TTC12: variants seen among roughly 807,000 people sequenced by gnomAD.
TTC12 encodes tetratricopeptide repeat domain 12.
Under a neutral mutation model 90.1 loss-of-function variants are expected in TTC12, and 70 were observed. The ratio of observed to expected loss-of-function variants is 0.78; its 90% confidence interval spans 0.64 to 0.95. The LOEUF (loss-of-function observed/expected upper bound fraction) is 0.95. TTC12 is among the 40% of genes least tolerant of loss of function. TTC12 has a pLI of 0.00. For synonymous variants in TTC12, 296 were observed against 311.5 expected, an observed-to-expected ratio of 0.95 and a Z score of 0.53; for missense variants, 819 against 846.1, an observed-to-expected ratio of 0.97 and a Z score of 0.40.
downstream of TTC12, among the ~76,000 whole-genome samples, chr11:113,370,597 G>A (rs1297642313): frequency 6.6e-6 from 1 of 152,262 alleles, no homozygotes; most frequent in Non-Finnish European, 1.5e-5. Flanking sequence ...ATTCTGCCCT[G>A]TGGTCTGATT....
chr11:113,361,002 G>A (rs1555154799), intron 18 of TTC12, among the ~76,000 whole-genome samples: 1 of 152,186 alleles, frequency 6.6e-6, no homozygotes, highest in East Asian at 1.9e-4. Context: ...GCCTACACTA[G>A]TGCCTGAGTA....
chr11:113,323,102 CAAA>C (rs34496236), intron 2 of TTC12, among the ~76,000 whole-genome samples, 183 bp from the exon 3 acceptor site: 6 of 79,430 alleles, frequency 7.6e-5, no homozygotes, highest in African/African-American at 1.0e-4. Flanking sequence ...TTTTTCTAGG[CAAA>C]AAAAAAAAAA....
intron 12 of TTC12, among the ~76,000 whole-genome samples, chr11:113,342,664 C>CT (rs1487487619): frequency 6.6e-6 from 1 of 151,556 alleles, no homozygotes; most frequent in Non-Finnish European, 1.5e-5. Flanking sequence ...GAGATAATAC[C>CT]TTTTTTTTTC....
chr11:113,317,155 C>A (rs1555136048), intron 2 of TTC12, among the ~76,000 whole-genome samples: 1 of 152,228 alleles, frequency 6.6e-6, no homozygotes, highest in East Asian at 1.9e-4. Flanking sequence ...TGTAGCTTTA[C>A]CTGCCACCTG....
downstream of TTC12, among the ~76,000 whole-genome samples, chr11:113,370,675 G>A (rs559958722): frequency 6.6e-6 from 1 of 152,346 alleles, no homozygotes; most frequent in South Asian, 2.1e-4. Flanking sequence ...GTAGGAGGGA[G>A]CCTTAGGGTG....
At position 113,359,773 on chromosome 11, in the gene TTC12, G is replaced by C. The variant is rs1032715946; in HGVS notation, c.1546-167G>C. Among the ~76,000 whole-genome samples the C allele has an allele frequency of 6.6e-4, 101 of 152,206 alleles. 1 individual carries two copies. Among genetic ancestry groups the C allele is most frequent in the African/African-American group, 2.3e-3 (95 of 41,452 alleles). ...ATCAGGGTAATGCCCTGGAGTTAGG[G>C]GAGACAGACATGGGGAGGAATAAAA... On this transcript the variant is annotated intron_variant, in intron 17 of 21. Transcript: ENST00000529221.
rs782598240 is a variant in TTC12, at chr11:113,352,063, C to T, written c.1309-7C>T. 20 of 1,612,960 alleles carry T rather than the reference C, an allele frequency of 1.2e-5. No homozygotes were observed. The highest frequency in any genetic ancestry group is 1.6e-5 in the Non-Finnish European group (19 of 1,179,624). ...TGAGGCTCTGCCTTCTCTCAATTCT[C>T]ATTTAGAAGACAGATCCCAAGGTAA... On this transcript the variant is annotated splice_polypyrimidine_tract_variant and splice_region_variant and intron_variant, in intron 15 of 21. Coordinates refer to ENST00000529221, the MANE Select transcript of TTC12 (RefSeq NM_017868.4).
intron 2 of TTC12, among the ~76,000 whole-genome samples, chr11:113,318,846 A>G (rs1947116172): frequency 6.6e-6 from 1 of 152,188 alleles, no homozygotes; most frequent in Non-Finnish European, 1.5e-5. Flanking sequence ...CAAGGAGAGA[A>G]GAGTCCCATC....
At chr11:113,344,656 T>C (rs1948852637) in intron 13 of TTC12, among the ~76,000 whole-genome samples, 2 of 152,238 alleles carry the variant, frequency 1.3e-5, no homozygotes, top group South Asian at 4.1e-4. Flanking sequence ...AGCAACTGGC[T>C]CGTCCCCATC....
intron 16 of TTC12, among the ~76,000 whole-genome samples, chr11:113,358,476 G>A (rs1208547473): frequency 1.4e-4 from 21 of 152,216 alleles, no homozygotes; most frequent in Admixed American, 1.3e-3. Flanking sequence ...CAGCAAGCAG[G>A]TGTGGCCTGG....
chr11:113,364,765 C>T, intron 20 of TTC12, 70 bp from the exon 21 acceptor site: 1 of 1,311,576 alleles, frequency 7.6e-7, no homozygotes, highest in East Asian at 2.3e-5. Context: ...CTGCACCCCT[C>T]ATGTCCTGTT....
downstream of TTC12, among the ~76,000 whole-genome samples, chr11:113,369,425 A>AC (rs1297959743): frequency 2.3e-5 from 1 of 42,938 alleles, no homozygotes; most frequent in Non-Finnish European, 4.9e-5. Context: ...CCGCCCCCCC[A>AC]CCCCCCGTGC....
intron 13 of TTC12, among the ~76,000 whole-genome samples, chr11:113,347,882 C>T (rs1949061342): frequency 6.6e-6 from 1 of 152,194 alleles, no homozygotes; most frequent in Non-Finnish European, 1.5e-5. Context: ...CTTCTCTGCC[C>T]TGTGGCATTT....
chr11:113,334,987 G>A lies in TTC12; in HGVS notation c.526G>A (p.Ala176Thr), dbSNP rs781895156. The change falls in exon 8 of 22, where the codon GCA becomes ACA. Residue 176 changes from alanine to threonine, a missense_variant. Transcript: ENST00000529221. ...GCAGTGTGATGAAAAATGCACAAAA[G>A]CATATTTTCACATGGGAAAAGCCAA... ...ALKCDEKCTKAYFHMGKANLA... is the reference protein window; with the variant it reads ...ALKCDEKCTKTYFHMGKANLA... 14 of 1,613,726 alleles carry A rather than the reference G, an allele frequency of 8.7e-6. No individual in the cohort carries two copies. The highest frequency in any genetic ancestry group is 1.2e-5 in the Non-Finnish European group (14 of 1,179,814).
Position 113,344,268 on chromosome 11 carries a change from G to A in TTC12, c.986-4G>A, listed in dbSNP as rs569967727. ...ACAAGACACACAACCTCTGTGTTTT[G>A]CAGAGGAAAACCAGCGTGTGCTAGT... On this transcript the variant is annotated splice_region_variant and splice_polypyrimidine_tract_variant and intron_variant, in intron 12 of 21. Transcript: ENST00000529221. 1.1e-4 allele frequency: 179 copies of A among 1,608,732 alleles called. No individual in the cohort carries two copies. Among genetic ancestry groups the A allele is most frequent in the Middle Eastern group, 9.9e-4 (6 of 6,036 alleles).
chr11:113,364,763 C>T, intron 20 of TTC12, 72 bp from the exon 21 acceptor site: 1 of 1,300,114 alleles, frequency 7.7e-7, no homozygotes, highest in Non-Finnish European at 1.1e-6. Flanking sequence ...CCCTGCACCC[C>T]TCATGTCCTG....
chr11:113,366,284 A>T lies in TTC12; in HGVS notation c.2102A>T (p.Tyr701Phe), dbSNP rs1457233588. ...GAAATTCTCAACTCTACGATGAAATACATCAGTGATTCTTGAGAGAGACAG... is the reference window on the plus strand; with the variant it reads ...GAAATTCTCAACTCTACGATGAAATTCATCAGTGATTCTTGAGAGAGACAG... ...GLEILNSTMKYISDS is the reference protein window; with the variant it reads ...GLEILNSTMKFISDS Residue 701 changes from tyrosine (Y) to phenylalanine (F), a missense_variant, in exon 22 of 22, where the codon TAC becomes TTC. Physicochemically the swap from Tyr to Phe is conservative, Grantham distance 22. Coordinates refer to ENST00000529221, the MANE Select transcript of TTC12 (RefSeq NM_017868.4). 3.1e-6 allele frequency: 5 copies of T among 1,613,618 alleles called. No homozygotes were observed. In the Admixed American group the frequency reaches 6.7e-5, roughly 22 times the overall value.
intron 6 of TTC12, among the ~76,000 whole-genome samples, chr11:113,328,644 A>G (rs1555141773): frequency 6.6e-6 from 1 of 152,134 alleles, no homozygotes. Flanking sequence ...TTCACATACC[A>G]TACAGTTCAC....
At chr11:113,337,588 T>C (rs1456874253) in intron 8 of TTC12, among the ~76,000 whole-genome samples, 6 of 152,186 alleles carry the variant, frequency 3.9e-5, no homozygotes, top group African/African-American at 1.2e-4. Flanking sequence ...GAGAAGGGGC[T>C]GATCCTATAG....
Sources: allele counts gnomAD v4.1 joint callset (sites outside exome capture counted in the v4.1 genomes callset), GRCh38; gene constraint gnomAD v4.1.1; transcripts MANE v1.5; gene names NCBI Gene and HGNC (gene_info 2026-07-23, HGNC 2026-07-21).